Variants in BRF1 observed in about 807,000 individuals in gnomAD.
BRF1 encodes transcription factor IIIB 90 kDa subunit.
BRF1 carries 59 observed loss-of-function variants against 81.7 expected under a neutral mutation model. The ratio of observed to expected loss-of-function variants is 0.72; its 90% CI spans 0.59 to 0.90. The LOEUF (loss-of-function observed/expected upper bound fraction) is 0.90, where lower values mean the gene tolerates loss of function less well. Ranked by LOEUF, BRF1 falls within the 40% of genes least tolerant of loss-of-function variation. The pLI, the probability that BRF1 is intolerant of heterozygous loss-of-function variation, is 0.00. For missense variants in BRF1, 1,050 were observed against 936.3 expected (o/e 1.12, Z -1.58); for synonymous variants, 491 against 395.6 (o/e 1.24, Z -2.86).
intron 2 of BRF1, among the ~76,000 whole-genome samples, chr14:105,278,860 T>C (rs1179813964): frequency 6.6e-6 from 1 of 152,042 alleles, no homozygotes; most frequent in Non-Finnish European, 1.5e-5. Flanking sequence ...CTGACCAACA[T>C]GGTGAAACCC....
intron 10 of BRF1, among the ~76,000 whole-genome samples, chr14:105,223,499 C>T (rs1892624133): frequency 7.3e-6 from 1 of 137,604 alleles, no homozygotes; most frequent in African/African-American, 3.1e-5. Context: ...AATGAGCAAA[C>T]CATTGATGCG....
At chr14:105,226,947 C>CAAAA in intron 7 of BRF1, 187 bp from the exon 8 acceptor site, 5 of 465,734 alleles carry the variant, frequency 1.1e-5, no homozygotes, top group East Asian at 4.5e-5. Context: ...TGTCTCTACC[C>CAAAA]AAAAAAAAAA....
At chr14:105,221,086 G>A (rs1237407609) in intron 11 of BRF1, among the ~76,000 whole-genome samples, 1 of 152,260 alleles carries the variant, frequency 6.6e-6, no homozygotes, top group Admixed American at 6.5e-5. Context: ...GGGAGGCAGG[G>A]CTTGAGGGTG....
At chr14:105,270,797 A>C (rs923817725) in intron 3 of BRF1, among the ~76,000 whole-genome samples, 5 of 151,944 alleles carry the variant, frequency 3.3e-5, no homozygotes, top group African/African-American at 1.2e-4. Context: ...TCTGGAAAAA[A>C]AAAAAAAAAG....
chr14:105,211,019 A>G (rs1177591853), intron 17 of BRF1, 103 bp downstream of exon 17: 1 of 1,509,816 alleles, frequency 6.6e-7, no homozygotes, highest in Non-Finnish European at 8.8e-7. Context: ...GAGAAACAGA[A>G]ATTTAGTTTG....
chr14:105,286,429 A>C (rs2057319446), intron 1 of BRF1, 53 bp from the exon 2 acceptor site: 3 of 1,541,984 alleles, frequency 1.9e-6, no homozygotes, highest in Admixed American at 1.8e-5. Context: ...CTGCATTTAC[A>C]ACCCTTTCCT....
chr14:105,310,736 C>T (rs1201467522), intron 1 of BRF1, among the ~76,000 whole-genome samples: 2 of 152,102 alleles, frequency 1.3e-5, no homozygotes, highest in African/African-American at 4.8e-5. Context: ...ATTTTCCCTA[C>T]ACAATTAATA....
At position 105,243,551 on chromosome 14, in the gene BRF1, G is replaced by A. The variant is rs372596306; in HGVS notation, c.545-2137C>T. Among the ~76,000 whole-genome samples the A allele has an allele frequency of 2.3e-3, 357 of 151,918 alleles. 10 individuals carry two copies. In the South Asian group the frequency reaches 0.046, roughly 20 times the overall value. Reference sequence around the variant, plus strand: ...TAGGATCACTTGAGCCCGGGAGGTTGAGGCTGCAGTGAGCTGTGATTGCAC... The same window carrying A: ...TAGGATCACTTGAGCCCGGGAGGTTAAGGCTGCAGTGAGCTGTGATTGCAC... On this transcript the variant is annotated intron_variant, in intron 5 of 17. Transcript: ENST00000547530.
At chr14:105,222,930 C>T (rs587653068) in intron 10 of BRF1, among the ~76,000 whole-genome samples, 1 of 152,304 alleles carries the variant, frequency 6.6e-6, no homozygotes, top group South Asian at 2.1e-4. Context: ...GCCTGGCTGA[C>T]AACCTGATCA....
chr14:105,228,752 C>T (rs985706415), intron 7 of BRF1, 68 bp downstream of exon 7: 102 of 1,558,454 alleles, frequency 6.5e-5, no homozygotes, highest in Middle Eastern at 3.4e-4. Context: ...CCTGCTCTGG[C>T]AAGCAGGCCT....
chr14:105,213,451 G>T (rs889412497), intron 15 of BRF1: 1 of 151,006 alleles, frequency 6.6e-6, no homozygotes, highest in African/African-American at 2.4e-5. Context: ...TTGCTCTGTC[G>T]CCAGGCTAGA....
chr14:105,248,415 C>T (rs2055275553), intron 5 of BRF1: 2 of 985,150 alleles, frequency 2.0e-6, no homozygotes, highest in East Asian at 1.1e-4. Context: ...TCCACGGCTA[C>T]CTCTGCACAG....
chr14:105,253,667 G>C (rs1201649048), intron 4 of BRF1, among the ~76,000 whole-genome samples: 1 of 152,218 alleles, frequency 6.6e-6, no homozygotes, highest in Non-Finnish European at 1.5e-5. Flanking sequence ...TCTGATCAGG[G>C]ACCCTGCCCG....
Position 105,265,045 on chromosome 14 carries a change from C to CTTTT in BRF1, c.439+7672_439+7675dup, listed in dbSNP as rs587772604. ...CATCAAGTCATAAGTTCTACTTATC[C>CTTTT]TTTTTTTTGTTTTTTTTTTGTTTGT... On this transcript the variant is annotated intron_variant, in intron 3 of 17. Coordinates refer to ENST00000547530, the MANE Select transcript of BRF1 (RefSeq NM_001519.4). 5.8e-3 allele frequency among the ~76,000 whole-genome samples: 786 copies of CTTTT among 135,102 alleles called. 20 individuals carry two copies. The highest frequency in any genetic ancestry group is 8.0e-3 in the Non-Finnish European group (489 of 61,276). The allele number at this position is 135,102 out of a possible 152,430, so 88.6% of individuals were successfully genotyped here.
chr14:105,265,900 C>CAAAA (rs34375627), intron 3 of BRF1, among the ~76,000 whole-genome samples: 22 of 75,654 alleles, frequency 2.9e-4, no homozygotes, highest in African/African-American at 7.6e-4. Context: ...GACTCCCTCT[C>CAAAA]AAAAAAAAAA....
chr14:105,250,541 T>C, intron 5 of BRF1: 1 of 1,614,074 alleles, frequency 6.2e-7, no homozygotes, highest in African/African-American at 1.3e-5. Flanking sequence ...CGAACTCAGC[T>C]ACTTTGGGCA....
intron 7 of BRF1, chr14:105,228,080 C>G (rs776149841): frequency 6.6e-6 from 1 of 152,226 alleles, no homozygotes; most frequent in Non-Finnish European, 1.5e-5. Context: ...CTACGCCACT[C>G]ATTTCACTGA....
intron 4 of BRF1, 80 bp downstream of exon 4, chr14:105,256,438 T>A (rs1369121174): frequency 6.2e-7 from 1 of 1,613,360 alleles, no homozygotes; most frequent in Admixed American, 1.7e-5. Context: ...GCACCTGGGG[T>A]ACACCCCGGT....
rs940908098 is a variant in BRF1 at position 105,248,456 on chromosome 14, G to A, written c.544+4051C>T. On this transcript the variant is annotated intron_variant, in intron 5 of 17. Transcript: ENST00000547530. The stretch of plus-strand genomic sequence containing the variant: ...GGCTCGCGCCGGTTGCTGGGCAGAA[G>A]CTCGAGCAGCTTCGAGGATGTCGGG... The A allele has an allele frequency of 1.0e-5, 10 of 985,036 alleles. 1 individual carries two copies. The South Asian group carries it at 1.4e-4, about 14-fold the overall frequency. The allele number at this position is 985,036 out of a possible 1,614,324, so 61.0% of individuals were successfully genotyped here.
Sources: allele counts gnomAD v4.1 joint callset (sites outside exome capture counted in the v4.1 genomes callset), GRCh38; gene constraint gnomAD v4.1.1; transcripts MANE v1.5; gene names NCBI Gene and HGNC (gene_info 2026-07-23, HGNC 2026-07-21).